Variants in C3orf49 observed in about 807,000 individuals in gnomAD.
The protein encoded by C3orf49 is putative uncharacterized protein C3orf49.
C3orf49 carries 27 observed loss-of-function variants against 13.3 expected under a neutral mutation model. The observed-to-expected ratio is 2.02, with a 90% CI of 1.49 to 2.79. The LOEUF (loss-of-function observed/expected upper bound fraction) is 2.79, where lower values mean the gene tolerates loss of function less well. C3orf49 is among the 30% of genes most tolerant of loss of function. The pLI, the probability that C3orf49 is intolerant of heterozygous loss-of-function variation, is 0.00. For synonymous variants in C3orf49, 87 were observed against 47.6 expected (o/e 1.83, Z -3.40); for missense variants, 242 against 134.2 (o/e 1.80, Z -3.97).
intron 5 of C3orf49, chr3:63,838,472 G>C: frequency 6.2e-7 from 1 of 1,609,494 alleles, no homozygotes; most frequent in Non-Finnish European, 8.5e-7. Flanking sequence ...GAGACAGCGT[G>C]CTCAGCATAC....
intron 5 of C3orf49, chr3:63,836,417 CA>C: frequency 6.6e-7 from 1 of 1,520,386 alleles, no homozygotes; most frequent in South Asian, 1.1e-5. Context: ...ATTATCAAAA[CA>C]AAATGTGTAA....
the C3orf49 span, among the ~76,000 whole-genome samples, chr3:63,807,187 G>A: frequency 9.9e-4 from 151 of 152,188 alleles, 2 homozygotes; most frequent in South Asian, 0.022. Flanking sequence ...TCCTAACCTC[G>A]TGATCCACCT....
the C3orf49 span, among the ~76,000 whole-genome samples, chr3:63,807,065 C>T: frequency 1.3e-5 from 2 of 152,006 alleles, no homozygotes; most frequent in Non-Finnish European, 2.9e-5. Context: ...CATTCTCCTG[C>T]CTCAGCCACC....
chr3:63,796,018 A>C, the C3orf49 span, among the ~76,000 whole-genome samples: 1 of 152,190 alleles, frequency 6.6e-6, no homozygotes, highest in Admixed American at 6.5e-5. Context: ...TCATATATGG[A>C]TACAAAAATG....
intron 2 of C3orf49, chr3:63,826,782 T>A (rs1449461598): frequency 6.6e-6 from 1 of 152,028 alleles, no homozygotes; most frequent in Non-Finnish European, 1.5e-5. Flanking sequence ...TCAAGGAAAA[T>A]GTCTCATTTA....
chr3:63,800,436 C>A, the C3orf49 span, among the ~76,000 whole-genome samples: 292 of 152,136 alleles, frequency 1.9e-3, 2 homozygotes, highest in African/African-American at 6.7e-3. Flanking sequence ...GCTTGCTCAG[C>A]ACAGATGTTT....
At chr3:63,812,488 A>G in the C3orf49 span, among the ~76,000 whole-genome samples, 1 of 152,224 alleles carries the variant, frequency 6.6e-6, no homozygotes, top group African/African-American at 2.4e-5. Context: ...AACACATAAA[A>G]AAGTCAAAAT....
At chr3:63,842,576 T>C (rs1166240990) in intron 5 of C3orf49, among the ~76,000 whole-genome samples, 2 of 152,200 alleles carry the variant, frequency 1.3e-5, no homozygotes, top group Admixed American at 6.5e-5. Flanking sequence ...GAGGCCATTA[T>C]TCTAAGTGAA....
chr3:63,826,560 A>T (rs1701466478), intron 2 of C3orf49, among the ~76,000 whole-genome samples: 1 of 152,182 alleles, frequency 6.6e-6, no homozygotes, highest in Non-Finnish European at 1.5e-5. Context: ...AGTTCTGGCT[A>T]GACTTGCTGA....
chr3:63,845,122 CTCCT>C, intron 6 of C3orf49, 40 bp downstream of exon 6: 1 of 678,276 alleles, frequency 1.5e-6, no homozygotes, highest in Non-Finnish European at 2.7e-6. Context: ...GGGGTACTAT[CTCCT>C]TCATGTAGCC....
the C3orf49 span, among the ~76,000 whole-genome samples, chr3:63,806,105 A>C: frequency 6.6e-6 from 1 of 152,178 alleles, no homozygotes; most frequent in Non-Finnish European, 1.5e-5. Flanking sequence ...CAGAGAGTGA[A>C]GTCCCCTGGA....
chr3:63,839,401 A>G (rs1182958723), intron 5 of C3orf49, among the ~76,000 whole-genome samples: 2 of 152,214 alleles, frequency 1.3e-5, no homozygotes, highest in African/African-American at 4.8e-5. Flanking sequence ...CTTATGTCCT[A>G]AAAGTAACCA....
In C3orf49 at chr3:63,831,128, AAG is replaced by A; in HGVS notation, c.593_594del (p.Arg198ThrfsTer7). On this transcript the variant is annotated frameshift_variant, in exon 4 of 7. Transcript: ENST00000295896. LOFTEE classifies it high-confidence loss of function. ...ACCATAGGGGCCATATTCACCAAAAAAGAGACCACACTTTCCAGCACTTAAAA... is the reference window on the plus strand; with the variant it reads ...ACCATAGGGGCCATATTCACCAAAAAAGACCACACTTTCCAGCACTTAAAA... ...GLQKGPYSPK[K>X]RPHFPALKKK... The A allele has an allele frequency of 1.4e-6, 1 of 701,966 alleles. No homozygotes were observed. The highest frequency in any genetic ancestry group is 1.5e-5 in the South Asian group (1 of 67,272). 43.5% of individuals were successfully genotyped at this position (701,966 alleles called of 1,614,324 possible).
the C3orf49 span, among the ~76,000 whole-genome samples, chr3:63,784,281 C>T: frequency 5.9e-5 from 9 of 152,256 alleles, no homozygotes; most frequent in East Asian, 1.7e-3. Flanking sequence ...CTTTTACTCC[C>T]ATTATTAACA....
intron 3 of C3orf49, among the ~76,000 whole-genome samples, chr3:63,829,261 G>GAAC (rs1701502666): frequency 6.6e-6 from 1 of 152,162 alleles, no homozygotes; most frequent in African/African-American, 2.4e-5. Flanking sequence ...TGCTTCTGTG[G>GAAC]AACTTACAGT....
intron 3 of C3orf49, among the ~76,000 whole-genome samples, chr3:63,830,579 T>C (rs909169592): frequency 6.6e-6 from 1 of 152,158 alleles, no homozygotes; most frequent in Non-Finnish European, 1.5e-5. Flanking sequence ...ATTGCAACAC[T>C]GTTAGGACAG....
intron 5 of C3orf49, chr3:63,838,171 G>A: frequency 9.1e-7 from 1 of 1,094,236 alleles, no homozygotes; most frequent in Non-Finnish European, 1.3e-6. Context: ...ATAGACACTA[G>A]TATTTTTAAA....
At chr3:63,814,084 G>C in the C3orf49 span, among the ~76,000 whole-genome samples, 1 of 152,164 alleles carries the variant, frequency 6.6e-6, no homozygotes, top group Non-Finnish European at 1.5e-5. Context: ...GCAAGAAGAT[G>C]CAAAAACAGT....
At chr3:63,789,990 A>G in the C3orf49 span, among the ~76,000 whole-genome samples, 3 of 152,068 alleles carry the variant, frequency 2.0e-5, no homozygotes, top group Admixed American at 2.0e-4. Context: ...CGTCCACTGG[A>G]CTATTAGAGC....
Sources: allele counts gnomAD v4.1 joint callset (sites outside exome capture counted in the v4.1 genomes callset), GRCh38; gene constraint gnomAD v4.1.1; transcripts MANE v1.5; gene names NCBI Gene and HGNC (gene_info 2026-07-23, HGNC 2026-07-21).